ZNF804A: variants seen among roughly 807,000 people sequenced by gnomAD.
The protein encoded by ZNF804A is zinc finger protein 804A.
In ZNF804A, 2 loss-of-function variants were observed where a neutral mutation model predicts 16.5. The ratio of observed to expected loss-of-function variants is 0.12; its 90% CI spans 0.05 to 0.38. The LOEUF is 0.38. ZNF804A is among the 10% of genes least tolerant of loss of function. ZNF804A has a pLI of 0.99. For synonymous variants in ZNF804A, 534 were observed against 489.6 expected, an observed-to-expected ratio of 1.09 and a Z score of -1.20; for missense variants, 1,473 against 1,390.7, an observed-to-expected ratio of 1.06 and a Z score of -0.94.
At chr2:184,602,790 A>C (rs1315600744) in intron 1 of ZNF804A, among the ~76,000 whole-genome samples, 1 of 152,032 alleles carries the variant, frequency 6.6e-6, no homozygotes, top group Non-Finnish European at 1.5e-5. Flanking sequence ...GATAGTTTTG[A>C]GGTCACACAA....
intron 1 of ZNF804A, among the ~76,000 whole-genome samples, chr2:184,756,240 T>A (rs1693957430): frequency 6.6e-6 from 1 of 151,900 alleles, no homozygotes. Context: ...TTTGCTTAAA[T>A]TTTTAATTTT....
intron 2 of ZNF804A, among the ~76,000 whole-genome samples, chr2:184,913,556 C>A (rs531106385): frequency 3.3e-5 from 5 of 152,206 alleles, no homozygotes; most frequent in African/African-American, 7.2e-5. Context: ...TTGACAGTTC[C>A]TTTTCCTTTT....
At chr2:184,801,923 T>C (rs984897884) in intron 1 of ZNF804A, among the ~76,000 whole-genome samples, 3 of 152,208 alleles carry the variant, frequency 2.0e-5, no homozygotes, top group African/African-American at 7.2e-5. Context: ...TGTGAGGTTT[T>C]ATGTTAATCT....
At chr2:184,738,435 T>C (rs1036873047) in intron 1 of ZNF804A, among the ~76,000 whole-genome samples, 3 of 152,212 alleles carry the variant, frequency 2.0e-5, no homozygotes, top group Non-Finnish European at 4.4e-5. Context: ...TTTGGATACA[T>C]AGCCTAATAG....
chr2:184,895,252 G>A (rs1004795055), intron 2 of ZNF804A, among the ~76,000 whole-genome samples: 3 of 151,886 alleles, frequency 2.0e-5, no homozygotes, highest in Admixed American at 1.3e-4. Flanking sequence ...GAGAGAGAGA[G>A]AGAAAATAAT....
chr2:184,638,412 C>A (rs2105691644), intron 1 of ZNF804A, among the ~76,000 whole-genome samples: 1 of 152,218 alleles, frequency 6.6e-6, no homozygotes. Flanking sequence ...AAAATTGAGG[C>A]TCCTAATCTA....
At chr2:184,758,404 G>A (rs1471237365) in intron 1 of ZNF804A, among the ~76,000 whole-genome samples, 2 of 151,758 alleles carry the variant, frequency 1.3e-5, no homozygotes, top group African/African-American at 4.8e-5. Context: ...TGTTTTACAT[G>A]AATTTACTAG....
At chr2:184,704,882 A>G (rs1199654074) in intron 1 of ZNF804A, among the ~76,000 whole-genome samples, 1 of 152,218 alleles carries the variant, frequency 6.6e-6, no homozygotes, top group African/African-American at 2.4e-5. Flanking sequence ...GAATCCTTGT[A>G]GACTCTGCTT....
chr2:184,661,693 C>G (rs762229503), intron 1 of ZNF804A, among the ~76,000 whole-genome samples: 1 of 152,136 alleles, frequency 6.6e-6, no homozygotes, highest in Non-Finnish European at 1.5e-5. Context: ...GTCATGGACT[C>G]TACCGGAACC....
intron 1 of ZNF804A, among the ~76,000 whole-genome samples, chr2:184,796,600 T>TTTG (rs1163478462): frequency 6.6e-6 from 1 of 152,096 alleles, no homozygotes; most frequent in African/African-American, 2.4e-5. Flanking sequence ...TTTGTATCTT[T>TTTG]TTGTTGTTGT....
intron 1 of ZNF804A, among the ~76,000 whole-genome samples, chr2:184,852,229 T>TTCTC (rs10618125): frequency 0.015 from 2,082 of 134,718 alleles, 22 homozygotes; most frequent in South Asian, 0.032. Flanking sequence ...TGCGGTCTCT[T>TTCTC]TCTCTCTCTC....
Position 184,937,099 on chromosome 2 carries a change from T to A in ZNF804A, c.1703T>A (p.Ile568Lys). ...TEKYNFTKSQ[I>K]KQDTLDEKYN... ...AAGTATAATTTTACTAAAAGTCAAA[T>A]AAAACAGGACACTCTAGATGAAAAA... The change falls in exon 4 of 4, where the codon ATA becomes AAA. Residue 568 changes from isoleucine (I) to lysine (K), a missense_variant. By Grantham distance (102) the Ile-to-Lys change is moderately radical. Transcript: ENST00000302277. The A allele has an allele frequency of 1.2e-6, 2 of 1,605,184 alleles. No individual in the cohort carries two copies. Among genetic ancestry groups the A allele is most frequent in the Non-Finnish European group, 1.7e-6 (2 of 1,177,692 alleles).
At chr2:184,857,933 AAATT>A (rs536604122) in intron 1 of ZNF804A, among the ~76,000 whole-genome samples, 1 of 152,128 alleles carries the variant, frequency 6.6e-6, no homozygotes, top group Admixed American at 6.6e-5. Context: ...TTGATTGGAC[AAATT>A]AATTAATTTA....
chr2:184,937,298 A>G lies in ZNF804A; in HGVS notation c.1902A>G (p.Leu634=), dbSNP rs775240455. 109 of 1,613,900 alleles carry G rather than the reference A, an allele frequency of 6.8e-5. No individual in the cohort carries two copies. The highest frequency in any genetic ancestry group is 8.2e-5 in the Non-Finnish European group (97 of 1,179,960). The stretch of plus-strand genomic sequence containing the variant: ...ACACTGAAAATGCTGGGAAATATCT[A>G]TTGGAACCAATTTCAGAAAAGCAGT... ...NSYTENAGKY[L]LEPISEKQYL... Residue 634 remains leucine, a synonymous_variant, in exon 4 of 4, where the codon CTA becomes CTG. Transcript: ENST00000302277.
intron 1 of ZNF804A, among the ~76,000 whole-genome samples, chr2:184,687,208 A>T (rs964916351): frequency 6.6e-5 from 10 of 152,210 alleles, no homozygotes; most frequent in Non-Finnish European, 1.3e-4. Context: ...ATATGGTGAA[A>T]GGTAAGGGTC....
At chr2:184,700,822 A>G (rs894770345) in intron 1 of ZNF804A, among the ~76,000 whole-genome samples, 2 of 152,058 alleles carry the variant, frequency 1.3e-5, no homozygotes, top group African/African-American at 4.8e-5. Flanking sequence ...TTATGTGTGT[A>G]TTATTTGGAA....
chr2:184,733,493 A>T (rs189882534), intron 1 of ZNF804A, among the ~76,000 whole-genome samples: 1 of 152,042 alleles, frequency 6.6e-6, no homozygotes, highest in Non-Finnish European at 1.5e-5. Context: ...TGGTTTCCTT[A>T]TCTTTGTCTG....
intron 1 of ZNF804A, among the ~76,000 whole-genome samples, chr2:184,835,606 G>T (rs1187160013): frequency 1.3e-5 from 2 of 151,176 alleles, no homozygotes; most frequent in East Asian, 1.9e-4. Flanking sequence ...GTACTGTACT[G>T]TAATAACTAT....
At chr2:184,862,277 A>T (rs1351916451) in intron 1 of ZNF804A, among the ~76,000 whole-genome samples, 1 of 152,212 alleles carries the variant, frequency 6.6e-6, no homozygotes, top group Non-Finnish European at 1.5e-5. Context: ...GGGTCATGGA[A>T]CGTGTCAGCC....
Sources: gnomAD v4.1 joint callset for allele counts (sites outside exome capture counted in the v4.1 genomes callset) on GRCh38, gnomAD v4.1.1 for gene constraint, MANE v1.5 for transcripts, NCBI Gene and HGNC (gene_info 2026-07-23, HGNC 2026-07-21) for gene names.